Variants in SLC22A23 observed in about 807,000 individuals in gnomAD.
SLC22A23 encodes solute carrier family 22 member 23.
Under a neutral mutation model 61.0 loss-of-function variants are expected in SLC22A23, and 26 were observed. The observed-to-expected ratio is 0.43, with a 90% confidence interval of 0.31 to 0.59. SLC22A23 has a LOEUF of 0.59. SLC22A23 is among the 20% of genes least tolerant of loss of function. SLC22A23 has a pLI of 0.11. For synonymous variants in SLC22A23, 430 were observed against 413.9 expected, an observed-to-expected ratio of 1.04 and a Z score of -0.47; for missense variants, 796 against 934.7, an observed-to-expected ratio of 0.85 and a Z score of 1.94.
At chr6:3,299,534 A>G (rs1761429816) in intron 4 of SLC22A23, among the ~76,000 whole-genome samples, 1 of 152,204 alleles carries the variant, frequency 6.6e-6, no homozygotes, top group African/African-American at 2.4e-5. Flanking sequence ...GAATCTTGTG[A>G]GGAGCCCCAA....
intron 3 of SLC22A23, among the ~76,000 whole-genome samples, chr6:3,389,513 G>A (rs2127485063): frequency 6.6e-6 from 1 of 152,310 alleles, no homozygotes; most frequent in African/African-American, 2.4e-5. Flanking sequence ...AGTCAGGGAA[G>A]GCCTCTCTCA....
At chr6:3,319,887 C>T (rs542608317) in intron 4 of SLC22A23, among the ~76,000 whole-genome samples, 15 of 152,318 alleles carry the variant, frequency 9.8e-5, no homozygotes, top group South Asian at 2.1e-4. Flanking sequence ...CACAGTCCTG[C>T]GTGGTGCAGA....
rs1310098503 is a variant in SLC22A23, at chr6:3,330,405, C to A, written c.914-6403G>T. On this transcript the variant is annotated intron_variant, in intron 3 of 9. Coordinates refer to ENST00000406686, the MANE Select transcript of SLC22A23 (RefSeq NM_015482.2). This position sits in a 1 kb window ranked among gnomAD's most constrained non-coding sequence, Gnocchi z 4.7. ...CATCCTGGACTGCGCCCCTCCCTGG[C>A]AAAGTGGAGAACTGCAGGGAGCTTC... is the stretch of plus-strand genomic sequence containing the variant. 6.6e-6 allele frequency among the ~76,000 whole-genome samples: 1 copy of A among 152,162 alleles called. No individual in the cohort carries two copies. The highest frequency in any genetic ancestry group is 2.4e-5 in the African/African-American group (1 of 41,428).
At position 3,271,638 on chromosome 6, in the gene SLC22A23, G is replaced by A. The variant is rs1440905576; in HGVS notation, c.*1417C>T. ...ATGAGTTGGACAATGCCAGTAAGAAGCCAGGCTGTCCAGAAAAGCTGGTGC... is the reference window on the plus strand; with the variant it reads ...ATGAGTTGGACAATGCCAGTAAGAAACCAGGCTGTCCAGAAAAGCTGGTGC... On this transcript the variant is annotated 3_prime_UTR_variant, in exon 10 of 10. Coordinates refer to ENST00000406686, the MANE Select transcript of SLC22A23 (RefSeq NM_015482.2). 6.6e-6 allele frequency: 1 copy of A among 152,380 alleles called. No homozygotes were observed. Among genetic ancestry groups the A allele is most frequent in the Non-Finnish European group, 1.5e-5 (1 of 68,064 alleles). 9.4% of individuals were successfully genotyped at this position (152,380 alleles called of 1,614,324 possible). A position where few individuals can be genotyped will look rare whatever the true frequency, so the allele number is the denominator to read the frequency against.
intron 1 of SLC22A23, among the ~76,000 whole-genome samples, chr6:3,439,884 C>T (rs1265536228): frequency 3.3e-5 from 5 of 152,082 alleles, no homozygotes; most frequent in African/African-American, 1.2e-4. Context: ...TGGGGGAACA[C>T]AGCATTGTTT....
chr6:3,440,632 AG>A (rs975862871), intron 1 of SLC22A23, among the ~76,000 whole-genome samples: 2 of 150,830 alleles, frequency 1.3e-5, no homozygotes, highest in African/African-American at 4.9e-5. Flanking sequence ...GTTTGAACCC[AG>A]GAGGTGGAGG....
chr6:3,336,893 C>T (rs1307513247), intron 3 of SLC22A23, among the ~76,000 whole-genome samples: 1 of 150,492 alleles, frequency 6.6e-6, no homozygotes, highest in East Asian at 2.0e-4. Flanking sequence ...ACCTCCTGGG[C>T]TCCAGTGGTC....
At position 3,313,836 on chromosome 6, in the gene SLC22A23, A is replaced by G. The variant is rs539613994; in HGVS notation, c.1082+9998T>C. Among the ~76,000 whole-genome samples the G allele has an allele frequency of 3.1e-4, 47 of 152,282 alleles. 1 individual carries two copies. In the East Asian group the frequency reaches 5.0e-3, roughly 16 times the overall value. On this transcript the variant is annotated intron_variant, in intron 4 of 9. Transcript: ENST00000406686. ...GGGATTCGAGACCAGCCTGACAAAC[A>G]TGGAGAAACCCTGTCTCTGCTGAAG... is the stretch of plus-strand genomic sequence containing the variant.
intron 3 of SLC22A23, among the ~76,000 whole-genome samples, chr6:3,406,040 T>TG (rs1040488224): frequency 2.0e-5 from 3 of 152,098 alleles, no homozygotes; most frequent in African/African-American, 4.8e-5. Context: ...TGTTCATTGT[T>TG]GGGGGGAAAA....
At chr6:3,287,202 T>C in intron 6 of SLC22A23, 111 bp from the exon 7 acceptor site, 3 of 968,974 alleles carry the variant, frequency 3.1e-6, no homozygotes, top group Non-Finnish European at 4.7e-6. Context: ...AGCAACTCAA[T>C]GTGTCATAGA....
intron 1 of SLC22A23, among the ~76,000 whole-genome samples, chr6:3,433,596 T>C (rs968856081): frequency 3.3e-5 from 5 of 152,214 alleles, no homozygotes; most frequent in African/African-American, 1.2e-4. Flanking sequence ...GGATTGACAA[T>C]GTTCAGCTTA....
chr6:3,396,686 G>A (rs376592448), intron 3 of SLC22A23, among the ~76,000 whole-genome samples: 20 of 152,334 alleles, frequency 1.3e-4, no homozygotes, highest in East Asian at 7.7e-4. Context: ...AGCAGGCACC[G>A]GCATGCACCA....
chr6:3,407,739 T>C (rs1768933204), intron 3 of SLC22A23, among the ~76,000 whole-genome samples: 1 of 152,238 alleles, frequency 6.6e-6, no homozygotes, highest in Non-Finnish European at 1.5e-5. Flanking sequence ...TTTGTTTAAT[T>C]TGTGGTCCCT....
intron 4 of SLC22A23, among the ~76,000 whole-genome samples, chr6:3,314,287 C>T (rs550469805): frequency 3.3e-5 from 5 of 152,310 alleles, no homozygotes; most frequent in South Asian, 4.1e-4. Context: ...TCCGCTTGCC[C>T]GGCATTCCAG....
intron 4 of SLC22A23, among the ~76,000 whole-genome samples, chr6:3,320,893 TTAATAG>T (rs1762909991): frequency 6.6e-6 from 1 of 152,236 alleles, no homozygotes; most frequent in South Asian, 2.1e-4. Flanking sequence ...ACTAAGCACC[TTAATAG>T]TAATATAAAT....
intron 5 of SLC22A23, among the ~76,000 whole-genome samples, chr6:3,293,115 T>C (rs1363245892): frequency 1.3e-5 from 2 of 152,176 alleles, no homozygotes; most frequent in Non-Finnish European, 2.9e-5. Context: ...GGAATTGGCT[T>C]GCGTGGGGGT....
chr6:3,429,202 G>T (rs756175753), intron 1 of SLC22A23, among the ~76,000 whole-genome samples: 1 of 152,176 alleles, frequency 6.6e-6, no homozygotes, highest in African/African-American at 2.4e-5. Flanking sequence ...AGAGAGGGGG[G>T]ATATGCGTGC....
chr6:3,418,839 C>A (rs757777775), intron 1 of SLC22A23, among the ~76,000 whole-genome samples: 3 of 152,240 alleles, frequency 2.0e-5, no homozygotes, highest in Non-Finnish European at 2.9e-5. Flanking sequence ...CCTGGAGGCA[C>A]CGCCGTTTAG....
rs1023453919 is a variant in SLC22A23, at chr6:3,304,249, G to T, written c.1083-6031C>A. ...CAGACAGGGCTCTGAGACTCTGCCT[G>T]CTCCTCAGTGATCACTCCCTCATCT... On this transcript the variant is annotated intron_variant, in intron 4 of 9. Transcript: ENST00000406686. The surrounding 1 kb of genome is among the most constrained non-coding windows in gnomAD (Gnocchi z 4.3). Among the ~76,000 whole-genome samples the T allele has an allele frequency of 6.6e-6, 1 of 152,162 alleles. No individual in the cohort carries two copies. Among genetic ancestry groups the T allele is most frequent in the African/African-American group, 2.4e-5 (1 of 41,434 alleles).
Sources: gnomAD v4.1 joint callset for allele counts (sites outside exome capture counted in the v4.1 genomes callset) on GRCh38, gnomAD v4.1.1 for gene constraint, Gnocchi (gnomAD v3.1) non-coding constraint, MANE v1.5 for transcripts, NCBI Gene and HGNC (gene_info 2026-07-23, HGNC 2026-07-21) for gene names.